The following RBFOX1 variants were observed in gnomAD, a reference collection of about 807,000 sequenced individuals.
The protein encoded by RBFOX1 is RNA binding protein fox-1 homolog 1.
A neutral mutation model predicts 57.7 loss-of-function variants in RBFOX1; 8 were observed. The observed-to-expected ratio is 0.14, with a 90% CI of 0.08 to 0.25. The LOEUF (loss-of-function observed/expected upper bound fraction) is 0.25. Among genes scored for constraint, RBFOX1 ranks in the 10% least tolerant of loss-of-function variants. The pLI, the probability that RBFOX1 is intolerant of heterozygous loss-of-function variation, is 1.00. For missense variants in RBFOX1, 611 were observed against 548.5 expected (o/e 1.11, Z -1.14); for synonymous variants, 326 against 222.4 (o/e 1.47, Z -4.15).
chr16:6,480,361 A>G (rs556483853), intron 2 of RBFOX1, among the ~76,000 whole-genome samples: 1 of 152,354 alleles, frequency 6.6e-6, no homozygotes, highest in African/African-American at 2.4e-5. Flanking sequence ...TCTCTCACAG[A>G]CACTAAACTC....
At chr16:7,375,060 C>A (rs1596796876) in intron 4 of RBFOX1, among the ~76,000 whole-genome samples, 1 of 152,318 alleles carries the variant, frequency 6.6e-6, no homozygotes, top group East Asian at 1.9e-4. Context: ...GCGTATGTTT[C>A]AGGAGGAGAA....
intron 4 of RBFOX1, among the ~76,000 whole-genome samples, chr16:5,896,891 C>G (rs1215289329): frequency 6.6e-6 from 1 of 152,056 alleles, no homozygotes; most frequent in Non-Finnish European, 1.5e-5. Flanking sequence ...TTTTCTTCTG[C>G]TTTTGAGCAG....
At chr16:6,795,239 T>A (rs563141005) in intron 3 of RBFOX1, among the ~76,000 whole-genome samples, 6 of 152,130 alleles carry the variant, frequency 3.9e-5, no homozygotes, top group Admixed American at 3.9e-4. Context: ...ACAAACCACC[T>A]AAATTTTTTA....
chr16:5,593,203 A>T (rs1213424776), intron 2 of RBFOX1, among the ~76,000 whole-genome samples: 1 of 152,188 alleles, frequency 6.6e-6, no homozygotes, highest in Non-Finnish European at 1.5e-5. Context: ...GACATAGATG[A>T]AGCTAGAAAC....
intron 5 of RBFOX1, among the ~76,000 whole-genome samples, chr16:7,578,423 C>A (rs952563826): frequency 2.0e-5 from 3 of 152,178 alleles, no homozygotes; most frequent in Non-Finnish European, 4.4e-5. Flanking sequence ...AACAAGATGT[C>A]TTTATTTCAA....
At chr16:7,612,804 A>T (rs900947786) in intron 10 of RBFOX1, among the ~76,000 whole-genome samples, 2 of 152,208 alleles carry the variant, frequency 1.3e-5, no homozygotes, top group Non-Finnish European at 2.9e-5. Context: ...CTCAATTGCC[A>T]GTAAAATACA....
chr16:7,471,018 G>C (rs897928251), intron 4 of RBFOX1, among the ~76,000 whole-genome samples: 5 of 151,838 alleles, frequency 3.3e-5, no homozygotes, highest in African/African-American at 1.2e-4. Context: ...GAACTTTTAA[G>C]TATAAAAATA....
At chr16:7,492,790 C>A in intron 4 of RBFOX1, among the ~76,000 whole-genome samples, 1 of 152,172 alleles carries the variant, frequency 6.6e-6, no homozygotes, top group East Asian at 1.9e-4. Flanking sequence ...CCCCGACTCT[C>A]ACCATGTGAC....
intron 3 of RBFOX1, among the ~76,000 whole-genome samples, chr16:6,722,620 G>T (rs1047445721): frequency 6.6e-6 from 1 of 152,206 alleles, no homozygotes; most frequent in African/African-American, 2.4e-5. Context: ...TTAAGTTTCT[G>T]TCTTGTGTAC....
At chr16:6,346,773 G>A (rs779608926) in intron 2 of RBFOX1, among the ~76,000 whole-genome samples, 14 of 152,176 alleles carry the variant, frequency 9.2e-5, no homozygotes, top group Non-Finnish European at 1.8e-4. Context: ...CTTCGTAATT[G>A]AGGCTTGTCT....
At chr16:6,184,718 C>T (rs896938858) in intron 1 of RBFOX1, among the ~76,000 whole-genome samples, 1 of 138,296 alleles carries the variant, frequency 7.2e-6, no homozygotes, top group African/African-American at 2.7e-5. Flanking sequence ...TGCCACCATG[C>T]CTGGCTCATT....
intron 4 of RBFOX1, among the ~76,000 whole-genome samples, chr16:7,407,720 A>G (rs1172956895): frequency 6.6e-6 from 1 of 152,230 alleles, no homozygotes; most frequent in East Asian, 1.9e-4. Context: ...ATGCAGAATA[A>G]TAACCTAGAG....
intron 1 of RBFOX1, among the ~76,000 whole-genome samples, chr16:6,149,285 G>C (rs1369797725): frequency 6.6e-6 from 1 of 152,218 alleles, no homozygotes. Context: ...GTGTACTTTG[G>C]ATTTGAATGT....
At chr16:5,252,374 TA>T (rs2062474216) in intron 1 of RBFOX1, among the ~76,000 whole-genome samples, 1 of 152,226 alleles carries the variant, frequency 6.6e-6, no homozygotes, top group Non-Finnish European at 1.5e-5. Context: ...CTACTTACCC[TA>T]AAAAATGATT....
At chr16:6,803,573 T>C (rs561647418) in intron 3 of RBFOX1, among the ~76,000 whole-genome samples, 1 of 152,306 alleles carries the variant, frequency 6.6e-6, no homozygotes, top group African/African-American at 2.4e-5. Flanking sequence ...TCTTAAATTA[T>C]GTATGGTGGT....
intron 3 of RBFOX1, among the ~76,000 whole-genome samples, chr16:6,856,366 G>A (rs986944713): frequency 4.6e-5 from 7 of 152,128 alleles, no homozygotes; most frequent in African/African-American, 1.7e-4. Context: ...AGGATGATGA[G>A]TAGACTATGT....
rs1410495557 is a variant in RBFOX1, at chr16:6,816,241, C to G, written c.-16+161591C>G. Among the ~76,000 whole-genome samples the G allele has an allele frequency of 2.0e-5, 3 of 152,244 alleles. No individual in the cohort carries two copies. The East Asian group carries it at 5.8e-4, about 29-fold the overall frequency. On this transcript the variant is annotated intron_variant, in intron 3 of 15. Transcript: ENST00000550418. ...TGAGGATTGCTTCAGTACTGGAGTTCAAGACCGTAGTAAGCTATGATCACA... is the reference window on the plus strand; with the variant it reads ...TGAGGATTGCTTCAGTACTGGAGTTGAAGACCGTAGTAAGCTATGATCACA...
intron 3 of RBFOX1, among the ~76,000 whole-genome samples, chr16:5,823,527 A>G (rs979592489): frequency 3.9e-5 from 6 of 152,188 alleles, no homozygotes; most frequent in Admixed American, 2.6e-4. Flanking sequence ...CTACCAGTCC[A>G]TGGCCTATTA....
intron 4 of RBFOX1, among the ~76,000 whole-genome samples, chr16:7,152,706 G>C (rs2076327935): frequency 6.6e-6 from 1 of 152,154 alleles, no homozygotes; most frequent in Non-Finnish European, 1.5e-5. Context: ...GGCAAAATAA[G>C]TTGTGTCCTG....
Sources: allele counts gnomAD v4.1 joint callset (sites outside exome capture counted in the v4.1 genomes callset), GRCh38; gene constraint gnomAD v4.1.1; transcripts MANE v1.5; gene names NCBI Gene and HGNC (gene_info 2026-07-23, HGNC 2026-07-21).